Variants in APPL2 observed in about 807,000 individuals in gnomAD.
APPL2 encodes the protein DCC-interacting protein 13-beta.
In APPL2, 84 loss-of-function variants were observed where a neutral mutation model predicts 92.7. That is an observed-to-expected ratio of 0.91 (90% CI 0.76 to 1.09). APPL2 has a LOEUF of 1.09. Ranked by LOEUF, APPL2 falls within the 50% of genes least tolerant of loss-of-function variation. The pLI, the probability that APPL2 is intolerant of heterozygous loss-of-function variation, is 0.00. For synonymous variants in APPL2, 291 were observed against 291.0 expected (o/e 1.00, Z 0.00); for missense variants, 736 against 824.5 (o/e 0.89, Z 1.31).
intron 8 of APPL2, 186 bp downstream of exon 8, chr12:105,206,874 TG>T (rs1888745769): frequency 3.0e-6 from 2 of 665,828 alleles, no homozygotes. Flanking sequence ...TTGAGGCCAA[TG>T]CATGTCCAGC....
intron 6 of APPL2, 39 bp downstream of exon 6, chr12:105,208,119 C>T: frequency 1.2e-6 from 2 of 1,613,936 alleles, no homozygotes; most frequent in Non-Finnish European, 1.7e-6. Context: ...CCACAGTAAG[C>T]CCACACACCC....
chr12:105,195,361 C>T lies in APPL2; in HGVS notation c.1153-12G>A, dbSNP rs766647330. ...TTGATCGCGACTGCCTAAAAATCCA[C>T]AGGAAGACACACTCAGTCCCAGGAG... On this transcript the variant is annotated splice_polypyrimidine_tract_variant and intron_variant, in intron 13 of 20. Transcript: ENST00000258530. 6.2e-7 allele frequency: 1 copy of T among 1,614,184 alleles called. No individual in the cohort carries two copies. The highest frequency in any genetic ancestry group is 8.5e-7 in the Non-Finnish European group (1 of 1,180,026).
chr12:105,219,108 C>T (rs1424433966), intron 2 of APPL2, among the ~76,000 whole-genome samples: 1 of 152,232 alleles, frequency 6.6e-6, no homozygotes, highest in African/African-American at 2.4e-5. Flanking sequence ...ACTGGCCTAC[C>T]TCCTTGGCCT....
chr12:105,223,814 G>A (rs1890299997), intron 2 of APPL2, among the ~76,000 whole-genome samples: 1 of 152,218 alleles, frequency 6.6e-6, no homozygotes, highest in South Asian at 2.1e-4. Context: ...AGAGCACTCT[G>A]TGAGCAGAGA....
intron 14 of APPL2, 149 bp downstream of exon 14, chr12:105,195,112 A>G (rs967771630): frequency 2.7e-6 from 2 of 732,570 alleles, no homozygotes; most frequent in Non-Finnish European, 4.6e-6. Flanking sequence ...ACAGGCAGGT[A>G]TTTAACCTTT....
intron 14 of APPL2, among the ~76,000 whole-genome samples, chr12:105,191,889 T>G (rs1012527103): frequency 6.6e-6 from 1 of 152,172 alleles, no homozygotes; most frequent in East Asian, 1.9e-4. Flanking sequence ...AGGATTCTGT[T>G]GCAGGCTCTG....
chr12:105,215,176 C>G (rs1889576461), intron 4 of APPL2, among the ~76,000 whole-genome samples: 1 of 152,112 alleles, frequency 6.6e-6, no homozygotes, highest in Non-Finnish European at 1.5e-5. Context: ...GCTCGTTTGT[C>G]AGAAGTACCA....
chr12:105,196,188 A>T (rs1207964014), intron 11 of APPL2, among the ~76,000 whole-genome samples: 17 of 152,138 alleles, frequency 1.1e-4, no homozygotes, highest in Admixed American at 1.1e-3. Flanking sequence ...TGAAATGAGA[A>T]GGCGGGACTC....
At chr12:105,223,170 C>T (rs901857870) in intron 2 of APPL2, among the ~76,000 whole-genome samples, 3 of 152,046 alleles carry the variant, frequency 2.0e-5, no homozygotes, top group African/African-American at 7.2e-5. Flanking sequence ...AATCCAGCTG[C>T]GGTGTGGAGG....
At chr12:105,197,098 AACCCTGAAGCCCCTCCATGGG>A (rs906242800) in intron 11 of APPL2, among the ~76,000 whole-genome samples, 40 of 152,152 alleles carry the variant, frequency 2.6e-4, no homozygotes, top group South Asian at 8.3e-4. Flanking sequence ...CAGGCAGGTG[AACCCTGAAGCCCCTCCATGGG>A]ACCCTGAAGC....
intron 17 of APPL2, among the ~76,000 whole-genome samples, chr12:105,179,822 T>C (rs1885935034): frequency 6.6e-6 from 1 of 152,214 alleles, no homozygotes; most frequent in African/African-American, 2.4e-5. Flanking sequence ...TTGACGGGGT[T>C]GTTTTATTCT....
At chr12:105,226,768 A>G (rs1890541091) in intron 2 of APPL2, among the ~76,000 whole-genome samples, 1 of 152,224 alleles carries the variant, frequency 6.6e-6, no homozygotes, top group Non-Finnish European at 1.5e-5. Context: ...AAAAACAAAA[A>G]TTGACGAAGT....
Position 105,208,149 on chromosome 12 carries a change from G to A in APPL2, c.415+9C>T, listed in dbSNP as rs1240086603. The A allele has an allele frequency of 6.2e-7, 1 of 1,614,064 alleles. No individual in the cohort carries two copies. Among genetic ancestry groups the A allele is most frequent in the Admixed American group, 1.7e-5 (1 of 60,010 alleles). On this transcript the variant is annotated intron_variant, in intron 6 of 20. Transcript: ENST00000258530. ...ACACCCACACACCAGGAATGGAGAAGGTGCCTACCATTGCTAGCGAGTCCA... is the reference window on the plus strand; with the variant it reads ...ACACCCACACACCAGGAATGGAGAAAGTGCCTACCATTGCTAGCGAGTCCA...
intron 14 of APPL2, among the ~76,000 whole-genome samples, chr12:105,194,823 A>G (rs1196742): frequency 0.88 from 133,492 of 151,904 alleles, 58,955 homozygotes; most frequent in East Asian, 1. Context: ...ATAAATGTAC[A>G]TATAAAACTA....
chr12:105,236,020 C>T lies in APPL2; in HGVS notation c.-8G>A, dbSNP rs1221506663. On this transcript the variant is annotated 5_prime_UTR_variant, in exon 1 of 21. Coordinates refer to ENST00000258530, the MANE Select transcript of APPL2 (RefSeq NM_018171.5). ...CTTGTCCACGGCGGGCATGGTGCGG[C>T]GCGGCTCAGCCGAGGGCTGGGTTGG... The T allele has an allele frequency of 8.0e-7, 1 of 1,245,696 alleles. No homozygotes were observed. The allele number at this position is 1,245,696 out of a possible 1,614,324, so 77.2% of individuals were successfully genotyped here.
chr12:105,216,386 C>A (rs1003647233), intron 4 of APPL2, among the ~76,000 whole-genome samples: 2 of 151,814 alleles, frequency 1.3e-5, no homozygotes, highest in Non-Finnish European at 2.9e-5. Context: ...AAAAATAAAC[C>A]CTTTGTAGTG....
rs1264712280 is a variant in APPL2, at chr12:105,211,210, A to G, written c.373+20T>C. 1.3e-6 allele frequency: 2 copies of G among 1,527,846 alleles called. No individual in the cohort carries two copies. Among genetic ancestry groups the G allele is most frequent in the Non-Finnish European group, 1.8e-6 (2 of 1,102,102 alleles). 94.6% of individuals were successfully genotyped at this position (1,527,846 alleles called of 1,614,324 possible). ...ACACAATATTTTGAAGGTAACTGGC[A>G]TTGAACTCAGTTACTTTACCTGTGA... On this transcript the variant is annotated intron_variant, in intron 5 of 20. Transcript: ENST00000258530.
intron 2 of APPL2, 119 bp downstream of exon 2, chr12:105,229,006 T>A (rs1445992488): frequency 1.2e-6 from 1 of 851,914 alleles, no homozygotes; most frequent in East Asian, 2.7e-5. Flanking sequence ...AGTTCTGATT[T>A]TGTTTCAAAA....
At chr12:105,210,563 T>G (rs1020191339) in intron 5 of APPL2, among the ~76,000 whole-genome samples, 6 of 152,248 alleles carry the variant, frequency 3.9e-5, no homozygotes, top group Non-Finnish European at 8.8e-5. Context: ...CTTTTTTATG[T>G]GCATTTTGTG....
Sources: allele counts gnomAD v4.1 joint callset (sites outside exome capture counted in the v4.1 genomes callset), GRCh38; gene constraint gnomAD v4.1.1; transcripts MANE v1.5; gene names NCBI Gene and HGNC (gene_info 2026-07-23, HGNC 2026-07-21).